The following CYP2C18 variants were observed in gnomAD, a reference collection of about 807,000 sequenced individuals.
CYP2C18 encodes the protein cytochrome P450 family 2 subfamily C member 18, also known as cytochrome P450 2C18.
In CYP2C18, 38 loss-of-function variants were observed where a neutral mutation model predicts 41.3. The ratio of observed to expected loss-of-function variants is 0.92; its 90% CI spans 0.71 to 1.21. The LOEUF is 1.21. CYP2C18 is among the 50% of genes most tolerant of loss of function. The pLI is 0.00. For missense variants in CYP2C18, 635 were observed against 591.4 expected (o/e 1.07, Z -0.77); for synonymous variants, 236 against 210.0 (o/e 1.12, Z -1.07).
At chr10:94,701,230 CAAT>C (rs1847237477) in intron 4 of CYP2C18, among the ~76,000 whole-genome samples, 2 of 152,240 alleles carry the variant, frequency 1.3e-5, no homozygotes, top group African/African-American at 4.8e-5. Context: ...AAATATCCAA[CAAT>C]GATAGATTGG....
rs367844838 is a variant in CYP2C18 at position 94,687,950 on chromosome 10, G to A, written c.331+18G>A. The A allele has an allele frequency of 3.4e-5, 55 of 1,611,670 alleles. No individual in the cohort carries two copies. Among genetic ancestry groups the A allele is most frequent in the Middle Eastern group, 1.6e-4 (1 of 6,062 alleles). The stretch of plus-strand genomic sequence containing the variant: ...AGGACTTGGTAAATGTGCATGTATC[G>A]TGTGTATGTGTACATGTGTATGTAC... On this transcript the variant is annotated intron_variant, in intron 2 of 8. Transcript: ENST00000285979.
intron 4 of CYP2C18, among the ~76,000 whole-genome samples, chr10:94,698,801 C>T (rs1028245507): frequency 1.4e-4 from 21 of 152,194 alleles, no homozygotes; most frequent in African/African-American, 5.1e-4. Flanking sequence ...GGGGATATCA[C>T]CACCAATCCC....
intron 5 of CYP2C18, among the ~76,000 whole-genome samples, chr10:94,711,590 T>C (rs145180551): frequency 1.4e-4 from 21 of 152,112 alleles, no homozygotes; most frequent in Admixed American, 7.9e-4. Flanking sequence ...AATTTGTTTT[T>C]ATAGAGATAG....
At chr10:94,723,982 A>G (rs1366486458) in intron 6 of CYP2C18, among the ~76,000 whole-genome samples, 1 of 152,100 alleles carries the variant, frequency 6.6e-6, no homozygotes, top group Non-Finnish European at 1.5e-5. Flanking sequence ...TAAAGTTTTA[A>G]AACATTATAT....
chr10:94,718,139 T>C (rs1847587211), intron 5 of CYP2C18, among the ~76,000 whole-genome samples: 1 of 152,068 alleles, frequency 6.6e-6, no homozygotes, highest in Admixed American at 6.6e-5. Flanking sequence ...ATTAATATTT[T>C]ATATTTTTTG....
At chr10:94,692,770 C>T (rs1847030023) in intron 3 of CYP2C18, among the ~76,000 whole-genome samples, 1 of 152,096 alleles carries the variant, frequency 6.6e-6, no homozygotes, top group African/African-American at 2.4e-5. Context: ...TGGAACCAAC[C>T]CAAGTGTCCA....
chr10:94,720,481 C>T lies in CYP2C18; in HGVS notation c.905C>T (p.Thr302Met), dbSNP rs757543516. The part of the protein sequence containing the change: ...TDMFGAGTET[T>M]STTLRYGLLL... ...ATGTTTGGGGCTGGAACAGAGACAA[C>T]GAGCACCACTCTGAGATATGGACTC... Residue 302 changes from threonine to methionine, a missense_variant, in exon 6 of 9, where the codon ACG becomes ATG. Coordinates refer to ENST00000285979, the MANE Select transcript of CYP2C18 (RefSeq NM_000772.3). 36 of 1,613,306 alleles carry T rather than the reference C, an allele frequency of 2.2e-5. No homozygotes were observed. Among genetic ancestry groups the T allele is most frequent in the Middle Eastern group, 1.7e-4 (1 of 6,032 alleles).
At chr10:94,724,698 T>A (rs1219555967) in intron 7 of CYP2C18, among the ~76,000 whole-genome samples, 165 bp downstream of exon 7, 1 of 152,164 alleles carries the variant, frequency 6.6e-6, no homozygotes, top group Non-Finnish European at 1.5e-5. Context: ...CTATGAAGGT[T>A]TATAACAGGT....
intron 5 of CYP2C18, among the ~76,000 whole-genome samples, chr10:94,711,632 ACCT>A (rs1052664543): frequency 6.6e-6 from 1 of 151,962 alleles, no homozygotes; most frequent in African/African-American, 2.4e-5. Flanking sequence ...GCTGGAGTGG[ACCT>A]CCTGAACTCA....
intron 3 of CYP2C18, among the ~76,000 whole-genome samples, chr10:94,693,996 T>C (rs901833354): frequency 3.3e-4 from 50 of 152,194 alleles, no homozygotes; most frequent in African/African-American, 1.2e-3. Flanking sequence ...TCCTCTATAG[T>C]AATTTATTGA....
intron 5 of CYP2C18, among the ~76,000 whole-genome samples, chr10:94,715,133 A>T (rs1164502999): frequency 6.6e-6 from 1 of 152,176 alleles, no homozygotes; most frequent in African/African-American, 2.4e-5. Context: ...AAACAGGAAC[A>T]ATTTGACTTC....
intron 4 of CYP2C18, among the ~76,000 whole-genome samples, chr10:94,695,961 G>C (rs1457400538): frequency 6.6e-6 from 1 of 152,200 alleles, no homozygotes. Context: ...ACTGAGGCTT[G>C]AGTAGGTAAA....
chr10:94,690,263 C>G (rs2134175995), intron 3 of CYP2C18, among the ~76,000 whole-genome samples: 1 of 152,270 alleles, frequency 6.6e-6, no homozygotes, highest in East Asian at 1.9e-4. Flanking sequence ...CTATAAAGTT[C>G]TTGTCATAAT....
At position 94,694,423 on chromosome 10, in the gene CYP2C18, T is replaced by C. The variant is rs114442713; in HGVS notation, c.482-494T>C. Among the ~76,000 whole-genome samples, 743 of 152,266 alleles carry C rather than the reference T, an allele frequency of 4.9e-3. 6 individuals are homozygous for C. Among genetic ancestry groups the C allele is most frequent in the African/African-American group, 0.017 (712 of 41,568 alleles). Reference sequence around the variant, plus strand: ...TGTTCCATCAACCTGAATTTTCCCATACCCTTTCTGTCTTTAGTCTCCCCC... The same window carrying C: ...TGTTCCATCAACCTGAATTTTCCCACACCCTTTCTGTCTTTAGTCTCCCCC... On this transcript the variant is annotated intron_variant, in intron 3 of 8. Coordinates refer to ENST00000285979, the MANE Select transcript of CYP2C18 (RefSeq NM_000772.3).
chr10:94,696,964 G>C lies in CYP2C18; in HGVS notation c.642+1887G>C, dbSNP rs528012855. On this transcript the variant is annotated intron_variant, in intron 4 of 8. Coordinates refer to ENST00000285979, the MANE Select transcript of CYP2C18 (RefSeq NM_000772.3). The stretch of plus-strand genomic sequence containing the variant: ...AAGAAGAAATGAACAAAGCCTCCAA[G>C]AAATATAGGACTATGTGAAAAGACC... Among the ~76,000 whole-genome samples the C allele has an allele frequency of 2.0e-5, 3 of 152,300 alleles. No homozygotes were observed. In the East Asian group the frequency reaches 5.8e-4, roughly 29 times the overall value.
At chr10:94,702,091 G>A (rs1016513765) in intron 4 of CYP2C18, among the ~76,000 whole-genome samples, 7 of 152,184 alleles carry the variant, frequency 4.6e-5, no homozygotes, top group Admixed American at 1.3e-4. Flanking sequence ...TCTGGTGTCT[G>A]CACAGAGATC....
chr10:94,722,608 C>T (rs971049439), intron 6 of CYP2C18, among the ~76,000 whole-genome samples: 1 of 152,042 alleles, frequency 6.6e-6, no homozygotes, highest in Non-Finnish European at 1.5e-5. Context: ...TCAAAAGAAC[C>T]AAGACCCAAA....
In CYP2C18 at chr10:94,697,318, C is replaced by T. The variant is rs938823918; in HGVS notation, c.642+2241C>T. Among the ~76,000 whole-genome samples the T allele has an allele frequency of 2.6e-5, 4 of 152,100 alleles. No homozygotes were observed. The South Asian group carries it at 6.2e-4, about 24-fold the overall frequency. On this transcript the variant is annotated intron_variant, in intron 4 of 8. Transcript: ENST00000285979. ...TCTACAAGCTAGAAGAGAATGGGGG[C>T]CAATATTCAACATTCTTAAAGAAAA... is the stretch of plus-strand genomic sequence containing the variant.
At chr10:94,692,895 A>G (rs1847033773) in intron 3 of CYP2C18, among the ~76,000 whole-genome samples, 1 of 152,116 alleles carries the variant, frequency 6.6e-6, no homozygotes, top group Admixed American at 6.5e-5. Flanking sequence ...GCTGGAAACC[A>G]TCATTCTGAG....
Sources: allele counts gnomAD v4.1 joint callset (sites outside exome capture counted in the v4.1 genomes callset), GRCh38; gene constraint gnomAD v4.1.1; transcripts MANE v1.5; gene names NCBI Gene and HGNC (gene_info 2026-07-23, HGNC 2026-07-21).